Variants in GLT1D1 observed in about 807,000 individuals in gnomAD.
GLT1D1 encodes glycosyltransferase 1 domain-containing protein 1.
A neutral mutation model predicts 28.7 loss-of-function variants in GLT1D1; 21 were observed. The observed-to-expected ratio is 0.73, with a 90% CI of 0.52 to 1.05. GLT1D1 has a LOEUF of 1.05. Ranked by LOEUF, GLT1D1 falls within the 50% of genes least tolerant of loss-of-function variation. The pLI is 0.00. For synonymous variants in GLT1D1, 147 were observed against 124.8 expected, an observed-to-expected ratio of 1.18 and a Z score of -1.19; for missense variants, 343 against 330.6, an observed-to-expected ratio of 1.04 and a Z score of -0.29.
At chr12:128,981,923 G>A (rs945831908) in intron 7 of GLT1D1, among the ~76,000 whole-genome samples, 2 of 152,158 alleles carry the variant, frequency 1.3e-5, no homozygotes, top group Non-Finnish European at 2.9e-5. Flanking sequence ...TTAAACCCAC[G>A]CCTCCCGTGT....
intron 2 of GLT1D1, among the ~76,000 whole-genome samples, chr12:128,877,544 T>G (rs1053243408): frequency 6.6e-6 from 1 of 152,196 alleles, no homozygotes; most frequent in Non-Finnish European, 1.5e-5. Context: ...TTCTTTTTTA[T>G]TTTTTCAGGT....
chr12:128,899,865 A>G (rs1325725920), intron 4 of GLT1D1, among the ~76,000 whole-genome samples: 7 of 152,092 alleles, frequency 4.6e-5, no homozygotes, highest in African/African-American at 2.4e-5. Flanking sequence ...TTTTCTTTCT[A>G]TGTTCTCAGA....
At position 128,956,106 on chromosome 12, in the gene GLT1D1, C is replaced by T. The variant is rs551105051; in HGVS notation, c.541-1439C>T. ...CCCGAGAGGCGGAGCTTACAGTGAG[C>T]CGAGATCGCGCCACTGCCCTCCAGC... is the stretch of plus-strand genomic sequence containing the variant. On this transcript the variant is annotated intron_variant, in intron 6 of 7. Coordinates refer to ENST00000281703, the MANE Select transcript of GLT1D1 (RefSeq NM_144669.3). Among the ~76,000 whole-genome samples, 594 of 138,780 alleles carry T rather than the reference C, an allele frequency of 4.3e-3. 10 individuals carry two copies. Among genetic ancestry groups the T allele is most frequent in the African/African-American group, 0.015 (549 of 36,334 alleles). The allele number at this position is 138,780 out of a possible 152,430, so 91.0% of individuals were successfully genotyped here. A position where few individuals can be genotyped will look rare whatever the true frequency, so the allele number is the denominator to read the frequency against.
intron 7 of GLT1D1, among the ~76,000 whole-genome samples, chr12:128,967,761 A>T (rs976451525): frequency 1.7e-4 from 26 of 152,184 alleles, no homozygotes; most frequent in Admixed American, 7.9e-4. Context: ...GTAACATATT[A>T]CTTCTCTCTT....
At chr12:128,908,993 G>T (rs73440352) in intron 4 of GLT1D1, among the ~76,000 whole-genome samples, 7,244 of 151,982 alleles carry the variant, frequency 0.048, 597 homozygotes, top group African/African-American at 0.16. Flanking sequence ...AACACGATAG[G>T]TCCAAGCGTC....
intron 1 of GLT1D1, among the ~76,000 whole-genome samples, chr12:128,865,163 T>C (rs1956483634): frequency 6.6e-6 from 1 of 152,184 alleles, no homozygotes; most frequent in South Asian, 2.1e-4. Context: ...TCCTCTGCGC[T>C]GTGGGCCCCT....
chr12:128,970,620 T>G (rs888267494), intron 7 of GLT1D1, among the ~76,000 whole-genome samples: 1 of 152,248 alleles, frequency 6.6e-6, no homozygotes, highest in Non-Finnish European at 1.5e-5. Flanking sequence ...TGCCCCCTCC[T>G]CGTTCCAGGC....
At chr12:128,941,502 A>G (rs892616267) in intron 4 of GLT1D1, among the ~76,000 whole-genome samples, 2 of 151,730 alleles carry the variant, frequency 1.3e-5, no homozygotes, top group Admixed American at 1.3e-4. Context: ...GTAGCCATAC[A>G]GGCTCCTAAC....
chr12:128,873,145 C>T (rs1002382049), intron 1 of GLT1D1, among the ~76,000 whole-genome samples: 10 of 152,202 alleles, frequency 6.6e-5, no homozygotes, highest in African/African-American at 1.9e-4. Flanking sequence ...ATCCTCCGAC[C>T]TCTGCCTCCC....
At chr12:128,975,832 TCTC>T (rs1879716948) in intron 7 of GLT1D1, among the ~76,000 whole-genome samples, 2 of 152,314 alleles carry the variant, frequency 1.3e-5, no homozygotes, top group East Asian at 3.9e-4. Context: ...TAACTTCAAT[TCTC>T]CTATAAATCA....
At chr12:128,879,378 T>TTCTC (rs200811517) in intron 2 of GLT1D1, among the ~76,000 whole-genome samples, 8 of 69,974 alleles carry the variant, frequency 1.1e-4, no homozygotes, top group African/African-American at 4.3e-4. Context: ...ATTTTTTTCT[T>TTCTC]TTTCTTTCTT....
At chr12:128,937,408 A>G (rs1387378147) in intron 4 of GLT1D1, among the ~76,000 whole-genome samples, 1 of 152,164 alleles carries the variant, frequency 6.6e-6, no homozygotes, top group Non-Finnish European at 1.5e-5. Context: ...TAGGAGGAGA[A>G]GGTGGGCAAG....
chr12:128,965,451 A>G (rs1878358718), intron 7 of GLT1D1, among the ~76,000 whole-genome samples: 1 of 152,194 alleles, frequency 6.6e-6, no homozygotes, highest in Non-Finnish European at 1.5e-5. Context: ...GGCTCGTGGG[A>G]TGCTGAGCTG....
chr12:128,932,946 G>A (rs1225255373), intron 4 of GLT1D1, among the ~76,000 whole-genome samples: 1 of 152,214 alleles, frequency 6.6e-6, no homozygotes, highest in Non-Finnish European at 1.5e-5. Flanking sequence ...GTCTCGCGGA[G>A]TCTAAGAAAT....
At chr12:128,975,266 G>A (rs1204555672) in intron 7 of GLT1D1, among the ~76,000 whole-genome samples, 7 of 152,200 alleles carry the variant, frequency 4.6e-5, no homozygotes, top group Admixed American at 3.9e-4. Flanking sequence ...CATCATGACT[G>A]GGGGCGGGGG....
At chr12:128,914,364 G>T (rs1871868543) in intron 4 of GLT1D1, among the ~76,000 whole-genome samples, 1 of 151,942 alleles carries the variant, frequency 6.6e-6, no homozygotes, top group East Asian at 1.9e-4. Flanking sequence ...ACCCCGTTTG[G>T]GCCTGTCATG....
intron 4 of GLT1D1, among the ~76,000 whole-genome samples, chr12:128,902,006 G>A (rs1010082872): frequency 6.6e-6 from 1 of 151,730 alleles, no homozygotes; most frequent in Non-Finnish European, 1.5e-5. Flanking sequence ...TGAAATTGGT[G>A]GCTCTACTAA....
intron 2 of GLT1D1, among the ~76,000 whole-genome samples, chr12:128,880,203 C>T (rs563054578): frequency 4.6e-5 from 7 of 152,286 alleles, no homozygotes; most frequent in African/African-American, 1.7e-4. Context: ...ACTTACAGTT[C>T]TCAATTTTAC....
intron 7 of GLT1D1, among the ~76,000 whole-genome samples, chr12:128,981,258 CAATCTG>C (rs752080854): frequency 1.8e-4 from 28 of 152,152 alleles, no homozygotes; most frequent in Non-Finnish European, 3.4e-4. Flanking sequence ...TGTTTTATCA[CAATCTG>C]TTCCTAGAAA....
Sources: allele counts gnomAD v4.1 joint callset (sites outside exome capture counted in the v4.1 genomes callset), GRCh38; gene constraint gnomAD v4.1.1; transcripts MANE v1.5; gene names NCBI Gene and HGNC (gene_info 2026-07-23, HGNC 2026-07-21).